The following NTRK3 variants were observed in gnomAD, a reference collection of about 807,000 sequenced individuals.
The protein encoded by NTRK3 is neurotrophic receptor tyrosine kinase 3.
Under a neutral mutation model 91.7 loss-of-function variants are expected in NTRK3, and 24 were observed. The observed-to-expected ratio is 0.26, with a 90% CI of 0.19 to 0.37. NTRK3 has a LOEUF of 0.37. NTRK3 is among the 10% of genes least tolerant of loss of function. The pLI, the probability that NTRK3 is intolerant of heterozygous loss-of-function variation, is 1.00. For missense variants in NTRK3, 880 were observed against 1,068.9 expected (o/e 0.82, Z 2.46); for synonymous variants, 483 against 404.0 (o/e 1.20, Z -2.34).
At chr15:88,034,712 G>C (rs2078916087) in intron 13 of NTRK3, among the ~76,000 whole-genome samples, 1 of 152,216 alleles carries the variant, frequency 6.6e-6, no homozygotes, top group Non-Finnish European at 1.5e-5. Flanking sequence ...TGGGAGACTG[G>C]TAAATGCAAA....
At chr15:87,875,650 G>A (rs969413710) in exon 19 of NTRK3, 10 of 232,376 alleles carry the variant, frequency 4.3e-5, no homozygotes, top group African/African-American at 2.0e-4. Flanking sequence ...GGCTGGAAAC[G>A]TGAGGAGAAT....
chr15:87,935,398 G>A (rs945921954), intron 15 of NTRK3, among the ~76,000 whole-genome samples: 1 of 152,164 alleles, frequency 6.6e-6, no homozygotes, highest in African/African-American at 2.4e-5. Context: ...AACAATAAAC[G>A]AATAGGATGT....
At chr15:87,902,425 C>T (rs1327041382) in intron 17 of NTRK3, among the ~76,000 whole-genome samples, 1 of 152,208 alleles carries the variant, frequency 6.6e-6, no homozygotes, top group African/African-American at 2.4e-5. Context: ...TTTCAAAATA[C>T]ATTAGCCTTG....
At chr15:88,035,527 C>G (rs957224805) in intron 13 of NTRK3, among the ~76,000 whole-genome samples, 1 of 152,216 alleles carries the variant, frequency 6.6e-6, no homozygotes, top group African/African-American at 2.4e-5. Flanking sequence ...ATTTGGAGAT[C>G]TACCAGTGGA....
intron 17 of NTRK3, among the ~76,000 whole-genome samples, chr15:87,900,768 G>A (rs12440432): frequency 6.6e-6 from 1 of 150,386 alleles, no homozygotes; most frequent in East Asian, 2.0e-4. Flanking sequence ...CCAGAATTCA[G>A]GAGCTCCACG....
chr15:87,885,891 T>C (rs1405298587), intron 17 of NTRK3, among the ~76,000 whole-genome samples, 156 bp from the exon 18 acceptor site: 1 of 152,062 alleles, frequency 6.6e-6, no homozygotes, highest in Admixed American at 6.6e-5. Context: ...TTAAATTCTT[T>C]TGCATGGCAA....
intron 14 of NTRK3, among the ~76,000 whole-genome samples, chr15:87,999,535 G>C (rs1376414574): frequency 6.6e-6 from 1 of 152,212 alleles, no homozygotes; most frequent in Non-Finnish European, 1.5e-5. Context: ...TAAATAACAT[G>C]TAGATGTCTT....
intron 13 of NTRK3, among the ~76,000 whole-genome samples, chr15:88,105,958 C>T (rs550353118): frequency 2.9e-4 from 44 of 152,330 alleles, no homozygotes; most frequent in Non-Finnish European, 4.0e-4. Flanking sequence ...GTCTAGGACT[C>T]CAATTCCAGT....
At chr15:88,132,515 G>T (rs940366489) in intron 10 of NTRK3, among the ~76,000 whole-genome samples, 1 of 152,166 alleles carries the variant, frequency 6.6e-6, no homozygotes, top group African/African-American at 2.4e-5. Context: ...CCACAGATGG[G>T]ACCTGCACCT....
At position 88,206,658 on chromosome 15, in the gene NTRK3, G is replaced by GAAA. The variant is rs758639696; in HGVS notation, c.249-22362_249-22360dup. 1.8e-4 allele frequency among the ~76,000 whole-genome samples: 11 copies of GAAA among 59,592 alleles called. 1 individual carries two copies. The highest frequency in any genetic ancestry group is 3.6e-4 in the African/African-American group (7 of 19,564). 39.1% of individuals were successfully genotyped at this position (59,592 alleles called of 152,430 possible). A position where few individuals can be genotyped will look rare whatever the true frequency, so the allele number is the denominator to read the frequency against. ...GGGCGACAGAGCAAGACTCCGTCTC[G>GAAA]AAAAAAAAAAAAAAAAAAACAAACC... On this transcript the variant is annotated intron_variant, in intron 3 of 18. Transcript: ENST00000394480.
intron 14 of NTRK3, among the ~76,000 whole-genome samples, chr15:88,016,188 A>G (rs1481607686): frequency 1.3e-5 from 2 of 152,088 alleles, no homozygotes; most frequent in Non-Finnish European, 2.9e-5. Context: ...CAGTGATTGT[A>G]TATTACTTTG....
At chr15:88,048,761 T>G (rs2080496960) in intron 13 of NTRK3, among the ~76,000 whole-genome samples, 1 of 152,122 alleles carries the variant, frequency 6.6e-6, no homozygotes, top group Non-Finnish European at 1.5e-5. Flanking sequence ...AAAATGAAAA[T>G]CAAGATCTTG....
chr15:87,917,710 T>C (rs1433821449), intron 17 of NTRK3, among the ~76,000 whole-genome samples: 1 of 152,138 alleles, frequency 6.6e-6, no homozygotes, highest in Non-Finnish European at 1.5e-5. Context: ...GTTATTCATC[T>C]TAGTTCCCAT....
intron 13 of NTRK3, among the ~76,000 whole-genome samples, chr15:88,045,803 C>G (rs1051207938): frequency 6.6e-6 from 1 of 152,320 alleles, no homozygotes; most frequent in East Asian, 1.9e-4. Flanking sequence ...TAGCCTTCTC[C>G]GCTCATCGCA....
chr15:88,184,128 C>T, intron 4 of NTRK3, 97 bp downstream of exon 4: 3 of 1,158,956 alleles, frequency 2.6e-6, no homozygotes, highest in Non-Finnish European at 3.8e-6. Context: ...GCACGGATGG[C>T]AGTCTTGCTG....
At chr15:88,070,584 C>T (rs2047012385) in intron 13 of NTRK3, among the ~76,000 whole-genome samples, 1 of 152,098 alleles carries the variant, frequency 6.6e-6, no homozygotes, top group South Asian at 2.1e-4. Context: ...AGCCCTAGTC[C>T]AAACTCCCAT....
At chr15:88,208,982 T>G (rs1441119583) in intron 3 of NTRK3, among the ~76,000 whole-genome samples, 1 of 152,212 alleles carries the variant, frequency 6.6e-6, no homozygotes, top group East Asian at 1.9e-4. Context: ...CATACAGAGT[T>G]GAGTGGGACC....
intron 13 of NTRK3, chr15:88,073,041 C>CCTGAGGGTCACCTCAGGTAGCTTGAG (rs906648534): frequency 1.0e-5 from 2 of 192,560 alleles, no homozygotes; most frequent in African/African-American, 4.6e-5. Context: ...TTGAGGGTCA[C>CCTGAGGGTCACCTCAGGTAGCTTGAG]GGAGTGGTGA....
intron 5 of NTRK3, among the ~76,000 whole-genome samples, chr15:88,182,097 A>C (rs556004772): frequency 5.3e-5 from 8 of 152,240 alleles, no homozygotes; most frequent in African/African-American, 1.9e-4. Context: ...GGCAACAGTT[A>C]ATTAGGCAGC....
Sources: gnomAD v4.1 joint callset for allele counts (sites outside exome capture counted in the v4.1 genomes callset) on GRCh38, gnomAD v4.1.1 for gene constraint, MANE v1.5 for transcripts, NCBI Gene and HGNC (gene_info 2026-07-23, HGNC 2026-07-21) for gene names.